Variants in LRP2 observed in about 807,000 individuals in gnomAD.
LRP2 encodes LDL receptor related protein 2.
In LRP2, 172 loss-of-function variants were observed where a neutral mutation model predicts 531.0. That is an observed-to-expected ratio of 0.32 (90% CI 0.29 to 0.37). The LOEUF is 0.37. Among genes scored for constraint, LRP2 ranks in the 10% least tolerant of loss-of-function variants. LRP2 has a pLI of 1.00. For synonymous variants in LRP2, 1,992 were observed against 2,027.6 expected (o/e 0.98, Z 0.47); for missense variants, 5,167 against 5,868.3 (o/e 0.88, Z 3.90).
chr2:169,231,380 A>G (rs1002841139), intron 31 of LRP2, among the ~76,000 whole-genome samples: 1 of 152,156 alleles, frequency 6.6e-6, no homozygotes, highest in Admixed American at 6.5e-5. Flanking sequence ...GCTGTACACA[A>G]ACGTTGAGAA....
chr2:169,199,435 G>C (rs1369540349), intron 44 of LRP2, among the ~76,000 whole-genome samples: 1 of 152,026 alleles, frequency 6.6e-6, no homozygotes, highest in African/African-American at 2.4e-5. Flanking sequence ...TAACAACAAA[G>C]AAAAGATAAA....
chr2:169,260,437 C>T (rs888486435), intron 16 of LRP2, among the ~76,000 whole-genome samples: 3 of 151,950 alleles, frequency 2.0e-5, no homozygotes, highest in African/African-American at 4.8e-5. Flanking sequence ...ATGATGACCA[C>T]CAGGTGGGGA....
At chr2:169,248,901 C>T (rs2105397997) in intron 19 of LRP2, among the ~76,000 whole-genome samples, 1 of 99,428 alleles carries the variant, frequency 1.0e-5, no homozygotes, top group South Asian at 4.2e-4. Flanking sequence ...CGGGTCACTC[C>T]CACCCGAATA....
intron 48 of LRP2, among the ~76,000 whole-genome samples, chr2:169,188,661 C>CTT (rs779787853): frequency 6.6e-6 from 1 of 152,120 alleles, no homozygotes; most frequent in Non-Finnish European, 1.5e-5. Context: ...TATGAGACAG[C>CTT]TTATGAACAG....
chr2:169,260,235 T>A (rs1690491349), intron 16 of LRP2, among the ~76,000 whole-genome samples: 1 of 151,900 alleles, frequency 6.6e-6, no homozygotes, highest in African/African-American at 2.4e-5. Flanking sequence ...GAGACAAAAA[T>A]AAAAGAGTAA....
intron 4 of LRP2, among the ~76,000 whole-genome samples, chr2:169,299,147 GAAAGAAAGAAAAAAAGAAAGAAAGAAAA>G (rs1559064019): frequency 3.4e-4 from 15 of 43,996 alleles, no homozygotes; most frequent in African/African-American, 6.4e-4. Context: ...AAGAAAGAAA[GAAAGAAAGAAAAAAAGAAAGAAAGAAAA>G]AGAAAGAAAG....
At chr2:169,328,210 G>A (rs1375396976) in intron 1 of LRP2, among the ~76,000 whole-genome samples, 1 of 123,078 alleles carries the variant, frequency 8.1e-6, no homozygotes, top group Non-Finnish European at 1.7e-5. Context: ...CGCCCCGCCC[G>A]GCCAGCCGCC....
At chr2:169,197,299 C>T (rs1387504298) in intron 45 of LRP2, among the ~76,000 whole-genome samples, 1 of 151,944 alleles carries the variant, frequency 6.6e-6, no homozygotes, top group East Asian at 1.9e-4. Context: ...TACCAAAGAA[C>T]TATCTTTGTG....
Position 169,243,468 on chromosome 2 carries a change from A to G in LRP2, c.3485T>C (p.Ile1162Thr). The G allele has an allele frequency of 6.2e-7, 1 of 1,614,174 alleles. No individual in the cohort carries two copies. The highest frequency in any genetic ancestry group is 8.5e-7 in the Non-Finnish European group (1 of 1,180,006). Residue 1162 changes from isoleucine to threonine, a missense_variant, in exon 23 of 79, where the codon ATT becomes ACT. This residue lies in a region of LRP2 where 2,811 missense variants were observed against 3,058.0 expected (regional missense o/e 0.92). Coordinates refer to ENST00000649046, the MANE Select transcript of LRP2 (RefSeq NM_004525.3). Reference sequence around the variant, plus strand: ...ACCATCACAGACAAACGATAGGTCAATACATCGATGATTGGGGCAATTAAA... The same window carrying G: ...ACCATCACAGACAAACGATAGGTCAGTACATCGATGATTGGGGCAATTAAA... ...SQFNCPNHRC[I>T]DLSFVCDGDK...
At chr2:169,265,205 A>G (rs1380436807) in intron 16 of LRP2, among the ~76,000 whole-genome samples, 2 of 151,982 alleles carry the variant, frequency 1.3e-5, no homozygotes. Flanking sequence ...CCATCTCCCC[A>G]CATCTTCCCC....
chr2:169,140,627 G>A lies in LRP2; in HGVS notation c.13109-82C>T, dbSNP rs935751559. 5.6e-6 allele frequency: 6 copies of A among 1,070,142 alleles called. No homozygotes were observed. The African/African-American group carries it at 9.1e-5, about 16-fold the overall frequency. The allele number at this position is 1,070,142 out of a possible 1,614,324, so 66.3% of individuals were successfully genotyped here. On this transcript the variant is annotated intron_variant, in intron 71 of 78. Transcript: ENST00000649046. ...CACCATGCAAACCGGCCCAGGTTAG[G>A]GGTGGGAGGAGGGGCAGGCCAGCCA...
Position 169,341,051 on chromosome 2 carries a change from T to C in LRP2, c.80-20167A>G, listed in dbSNP as rs180790103. 1.3e-4 allele frequency among the ~76,000 whole-genome samples: 20 copies of C among 152,334 alleles called. No homozygotes were observed. In the East Asian group the frequency reaches 3.9e-3, roughly 29 times the overall value. On this transcript the variant is annotated intron_variant, in intron 1 of 78. Transcript: ENST00000649046. ...TACATACACAAATGATTGTATCTCA[T>C]GGCATGAGGAGACATGCTGTAAGAG...
intron 4 of LRP2, among the ~76,000 whole-genome samples, chr2:169,304,450 A>G (rs941161864): frequency 2.6e-5 from 4 of 152,224 alleles, no homozygotes; most frequent in African/African-American, 9.6e-5. Context: ...AAGGAACCTA[A>G]TAGTAACAAC....
At chr2:169,235,737 G>A (rs995074070) in intron 29 of LRP2, 103 bp downstream of exon 29, 10 of 863,920 alleles carry the variant, frequency 1.2e-5, no homozygotes, top group Non-Finnish European at 1.9e-5. Flanking sequence ...ATCTGACAAT[G>A]TCTATGACAC....
Position 169,362,423 on chromosome 2 carries a change from C to G in LRP2, c.-24G>C, listed in dbSNP as rs773544788. On this transcript the variant is annotated 5_prime_UTR_variant, in exon 1 of 79. Transcript: ENST00000649046. ...ATCTCCGCGACGGTCCCCGGCCTCGCCGTTCCTTCCCCGGGAGGTGGGCGC... is the reference window on the plus strand; with the variant it reads ...ATCTCCGCGACGGTCCCCGGCCTCGGCGTTCCTTCCCCGGGAGGTGGGCGC... 3 of 1,544,262 alleles carry G rather than the reference C, an allele frequency of 1.9e-6. No individual in the cohort carries two copies. The highest frequency in any genetic ancestry group is 2.6e-6 in the Non-Finnish European group (3 of 1,146,428).
chr2:169,215,786 A>ATTCT (rs200749161), intron 35 of LRP2, among the ~76,000 whole-genome samples: 1 of 147,822 alleles, frequency 6.8e-6, no homozygotes, highest in African/African-American at 2.5e-5. Flanking sequence ...TCATATATAG[A>ATTCT]ATCTATATAG....
At chr2:169,277,603 T>C in intron 13 of LRP2, 142 bp downstream of exon 13, 2 of 765,132 alleles carry the variant, frequency 2.6e-6, no homozygotes, top group Non-Finnish European at 4.4e-6. Flanking sequence ...TTCATGCAAA[T>C]GTCAGTACAA....
Position 169,206,913 on chromosome 2 carries a change from T to A in LRP2, c.6807A>T (p.Glu2269Asp). Reference protein sequence around the residue: ...ARIRINGENSEVIRYGSRYPT... With the variant: ...ARIRINGENSDVIRYGSRYPT... Reference sequence around the variant, plus strand: ...GGTAACGACTGCCATAACGAATCACTTCAGAGTTCTCTCCATTGATACGAA... The same window carrying A: ...GGTAACGACTGCCATAACGAATCACATCAGAGTTCTCTCCATTGATACGAA... The change falls in exon 39 of 79, where the codon GAA becomes GAT. Residue 2269 changes from glutamate to aspartate, a missense_variant. Physicochemically the swap from Glu to Asp is conservative, Grantham distance 45 (BLOSUM62 2). This residue lies in a region of LRP2 where 2,811 missense variants were observed against 3,058.0 expected (regional missense o/e 0.92). Transcript: ENST00000649046. The A allele has an allele frequency of 6.2e-7, 1 of 1,614,192 alleles. No homozygotes were observed.
intron 21 of LRP2, 48 bp downstream of exon 21, chr2:169,246,657 C>A: frequency 6.2e-7 from 1 of 1,603,168 alleles, no homozygotes; most frequent in East Asian, 2.2e-5. Flanking sequence ...TAAAGCCCAC[C>A]TCTACTCTAT....
Sources: gnomAD v4.1 joint callset for allele counts (sites outside exome capture counted in the v4.1 genomes callset) on GRCh38, gnomAD v4.1.1 for gene constraint, gnomAD v4.1.1 regional missense constraint, MANE v1.5 for transcripts, NCBI Gene and HGNC (gene_info 2026-07-23, HGNC 2026-07-21) for gene names.